PAXIP1: variants seen among roughly 807,000 people sequenced by gnomAD.
The protein encoded by PAXIP1 is PAX-interacting protein 1.
Under a neutral mutation model 140.6 loss-of-function variants are expected in PAXIP1, and 19 were observed. That is an observed-to-expected ratio of 0.14 (90% CI 0.09 to 0.20). The LOEUF (loss-of-function observed/expected upper bound fraction) is 0.20, where lower values mean the gene tolerates loss of function less well. Ranked by LOEUF, PAXIP1 falls within the 10% of genes least tolerant of loss-of-function variation. The pLI, the probability that PAXIP1 is intolerant of heterozygous loss-of-function variation, is 1.00. For synonymous variants in PAXIP1, 442 were observed against 444.6 expected (o/e 0.99, Z 0.07); for missense variants, 920 against 1,208.6 (o/e 0.76, Z 3.54).
At chr7:154,998,245 T>C (rs559887618) in intron 2 of PAXIP1, among the ~76,000 whole-genome samples, 18 of 152,332 alleles carry the variant, frequency 1.2e-4, no homozygotes, top group East Asian at 1.9e-4. Flanking sequence ...CGGTGGCTCA[T>C]GCCTGTAACC....
Position 154,966,972 on chromosome 7 carries a change from C to T in PAXIP1, c.1893+844G>A, listed in dbSNP as rs550211437. Among the ~76,000 whole-genome samples, 34 of 152,290 alleles carry T rather than the reference C, an allele frequency of 2.2e-4. 1 individual carries two copies. The South Asian group carries it at 3.1e-3, about 14-fold the overall frequency. ...CTGCACTATTTGGAAAATCCTCCCC[C>T]CTAATTCTCACTCCTACTCATCCTA... On this transcript the variant is annotated intron_variant, in intron 8 of 20. Coordinates refer to ENST00000404141, the MANE Select transcript of PAXIP1 (RefSeq NM_007349.4).
chr7:154,977,958 CT>C (rs1476901339), intron 5 of PAXIP1, among the ~76,000 whole-genome samples: 1 of 130,362 alleles, frequency 7.7e-6, no homozygotes, highest in Non-Finnish European at 1.8e-5. Flanking sequence ...GCAGACCAAA[CT>C]TTTTAATGTA....
intron 8 of PAXIP1, chr7:154,965,119 TA>T (rs1300360807): frequency 6.6e-6 from 1 of 152,250 alleles, no homozygotes; most frequent in Non-Finnish European, 1.5e-5. Flanking sequence ...AAAGACACCA[TA>T]ACGCTGCGGG....
Position 154,986,402 on chromosome 7 carries a change from T to C in PAXIP1, c.325-3070A>G, listed in dbSNP as rs1479074402. ...TGGTGCCCACTTTCATTTTTGCATA[T>C]GTTGCAACATACCGTATTTGCCCAA... On this transcript the variant is annotated intron_variant, in intron 4 of 20. Coordinates refer to ENST00000404141, the MANE Select transcript of PAXIP1 (RefSeq NM_007349.4). The surrounding 1 kb of genome is among the most constrained non-coding windows in gnomAD (Gnocchi z 4.8). Among the ~76,000 whole-genome samples, 1 of 152,172 alleles carries C rather than the reference T, an allele frequency of 6.6e-6. No individual in the cohort carries two copies. Among genetic ancestry groups the C allele is most frequent in the Non-Finnish European group, 1.5e-5 (1 of 68,028 alleles).
chr7:154,988,303 C>T (rs1457506457), intron 4 of PAXIP1, among the ~76,000 whole-genome samples: 3 of 152,166 alleles, frequency 2.0e-5, no homozygotes, highest in Admixed American at 6.5e-5. Flanking sequence ...ACCTTACATC[C>T]ACTCTGTCAA....
Position 154,955,693 on chromosome 7 carries a change from T to G in PAXIP1, c.2550-62A>C, listed in dbSNP as rs73492073. 5,458 of 949,372 alleles carry G rather than the reference T, an allele frequency of 5.7e-3. 195 individuals are homozygous for G. The African/African-American group carries it at 0.082, about 14-fold the overall frequency. 58.8% of individuals were successfully genotyped at this position (949,372 alleles called of 1,614,324 possible). ...ATATTTACTTACAATGAAAATTTTCTTTAGAAAACAAGGGATTTCATTAGT... is the reference window on the plus strand; with the variant it reads ...ATATTTACTTACAATGAAAATTTTCGTTAGAAAACAAGGGATTTCATTAGT... On this transcript the variant is annotated intron_variant, in intron 14 of 20. Coordinates refer to ENST00000404141, the MANE Select transcript of PAXIP1 (RefSeq NM_007349.4).
At chr7:154,993,298 C>T (rs182812714) in intron 3 of PAXIP1, among the ~76,000 whole-genome samples, 52 of 152,314 alleles carry the variant, frequency 3.4e-4, no homozygotes, top group Non-Finnish European at 8.8e-5. Flanking sequence ...CACAGGTGCA[C>T]TGAATTAATA....
chr7:154,977,947 C>CACA (rs1491416519), intron 5 of PAXIP1, among the ~76,000 whole-genome samples: 1,671 of 123,222 alleles, frequency 0.014, 120 homozygotes, highest in African/African-American at 0.045. Context: ...CATTTTCGAA[C>CACA]GCAGACCAAA....
chr7:154,958,568 T>C (rs892125239), intron 13 of PAXIP1, among the ~76,000 whole-genome samples: 3 of 152,244 alleles, frequency 2.0e-5, no homozygotes, highest in African/African-American at 4.8e-5. Flanking sequence ...TTTCCTATTA[T>C]AGCCTTTATA....
intron 12 of PAXIP1, among the ~76,000 whole-genome samples, chr7:154,960,668 C>T (rs1277819505): frequency 6.6e-6 from 1 of 151,438 alleles, no homozygotes; most frequent in Non-Finnish European, 1.5e-5. Flanking sequence ...AAAGCGAGAC[C>T]CTGTCTCAAA....
chr7:154,998,812 T>G, intron 1 of PAXIP1, 28 bp from the exon 2 acceptor site: 1 of 1,592,362 alleles, frequency 6.3e-7, no homozygotes, highest in Middle Eastern at 1.7e-4. Context: ...CCACACAAAT[T>G]AAAATGGGCA....
intron 1 of PAXIP1, chr7:155,002,192 A>T (rs1226490023): frequency 2.0e-5 from 3 of 152,266 alleles, no homozygotes; most frequent in Non-Finnish European, 4.4e-5. Context: ...ACTACACAAA[A>T]TTAAATGTGT....
At position 154,995,561 on chromosome 7, in the gene PAXIP1, A is replaced by G. The variant is rs187534876; in HGVS notation, c.217-1792T>C. ...TAAAGGCAAAGAACAATATATAAAA[A>G]TAAGCTGGCTGATCGCGATGGCTCA... On this transcript the variant is annotated intron_variant, in intron 2 of 20. Transcript: ENST00000404141. Among the ~76,000 whole-genome samples, 339 of 152,370 alleles carry G rather than the reference A, an allele frequency of 2.2e-3. 3 individuals are homozygous for G. The highest frequency in any genetic ancestry group is 2.0e-3 in the Non-Finnish European group (139 of 68,042).
In PAXIP1 at chr7:154,944,148, A is replaced by T; in HGVS notation, c.*1T>A. On this transcript the variant is annotated 3_prime_UTR_variant, in exon 21 of 21. Coordinates refer to ENST00000404141, the MANE Select transcript of PAXIP1 (RefSeq NM_007349.4). ...CGACATGCACGGCAGCCTAGACGCC[A>T]TCAGTTAAACTTATATGTAGGCTTG... The T allele has an allele frequency of 6.2e-7, 1 of 1,611,572 alleles. No individual in the cohort carries two copies. Among genetic ancestry groups the T allele is most frequent in the Non-Finnish European group, 8.5e-7 (1 of 1,178,504 alleles).
intron 10 of PAXIP1, among the ~76,000 whole-genome samples, 159 bp from the exon 11 acceptor site, chr7:154,961,807 A>G (rs2293260): frequency 6.6e-6 from 1 of 152,188 alleles, no homozygotes. Flanking sequence ...TCAAGACCAG[A>G]ACTGTATTAA....
chr7:154,990,049 T>C (rs988440794), intron 4 of PAXIP1, among the ~76,000 whole-genome samples: 17 of 148,786 alleles, frequency 1.1e-4, no homozygotes, highest in African/African-American at 4.2e-4. Flanking sequence ...TTTTTTTTTT[T>C]TTTTTTTTTG....
intron 11 of PAXIP1, 48 bp downstream of exon 11, chr7:154,961,479 T>C: frequency 6.8e-7 from 1 of 1,469,468 alleles, no homozygotes; most frequent in Non-Finnish European, 9.2e-7. Context: ...ATAGCCACTA[T>C]ATTGTGTGTA....
At position 154,952,753 on chromosome 7, in the gene PAXIP1, C is replaced by T. The variant is rs190679863; in HGVS notation, c.2821+1502G>A. Among the ~76,000 whole-genome samples, 34 of 152,304 alleles carry T rather than the reference C, an allele frequency of 2.2e-4. No homozygotes were observed. In the East Asian group the frequency reaches 5.2e-3, roughly 23 times the overall value. ...GAGACTACAGTACAGCATTCACTAA[C>T]TCAGTGTCTGTGCAACTTTATAGAG... On this transcript the variant is annotated intron_variant, in intron 16 of 20. Coordinates refer to ENST00000404141, the MANE Select transcript of PAXIP1 (RefSeq NM_007349.4).
Position 154,954,481 on chromosome 7 carries a change from T to C in PAXIP1, c.2653-58A>G, listed in dbSNP as rs902867877. On this transcript the variant is annotated intron_variant, in intron 15 of 20. Transcript: ENST00000404141. This position sits in a 1 kb window ranked among gnomAD's most constrained non-coding sequence, Gnocchi z 5.1. ...AAGTTCAGCATCCACAGAGCCACAC[T>C]GACACAGAGTAACACAGAGGAATAT... 7.4e-6 allele frequency: 9 copies of C among 1,220,078 alleles called. No individual in the cohort carries two copies. In the African/African-American group the frequency reaches 9.2e-5, roughly 12 times the overall value. The allele number at this position is 1,220,078 out of a possible 1,614,324, so 75.6% of individuals were successfully genotyped here.
Sources: gnomAD v4.1 joint callset for allele counts (sites outside exome capture counted in the v4.1 genomes callset) on GRCh38, gnomAD v4.1.1 for gene constraint, Gnocchi (gnomAD v3.1) non-coding constraint, MANE v1.5 for transcripts, NCBI Gene and HGNC (gene_info 2026-07-23, HGNC 2026-07-21) for gene names.